PPP1R17: variants seen among roughly 807,000 people sequenced by gnomAD.
PPP1R17 encodes the protein protein phosphatase 1 regulatory subunit 17.
A neutral mutation model predicts 15.9 loss-of-function variants in PPP1R17; 12 were observed. The observed-to-expected ratio is 0.75, with a 90% CI of 0.48 to 1.22. The LOEUF is 1.22. Among genes scored for constraint, PPP1R17 ranks in the 50% most tolerant of loss-of-function variants. The pLI, the probability that PPP1R17 is intolerant of heterozygous loss-of-function variation, is 0.00. For synonymous variants in PPP1R17, 63 were observed against 64.5 expected (o/e 0.98, Z 0.11); for missense variants, 211 against 187.3 (o/e 1.13, Z -0.74).
At chr7:31,700,158 CT>C (rs1448360914) in intron 4 of PPP1R17, among the ~76,000 whole-genome samples, 1 of 152,166 alleles carries the variant, frequency 6.6e-6, no homozygotes, top group Non-Finnish European at 1.5e-5. Flanking sequence ...AAAATTAGGT[CT>C]CTTGTACCAA....
chr7:31,700,581 T>C (rs1046309884), intron 4 of PPP1R17, among the ~76,000 whole-genome samples: 1 of 152,170 alleles, frequency 6.6e-6, no homozygotes, highest in Non-Finnish European at 1.5e-5. Flanking sequence ...CACTAAACAA[T>C]AGTTTCTTAA....
At chr7:31,702,394 C>T (rs1792889482) in intron 4 of PPP1R17, among the ~76,000 whole-genome samples, 1 of 152,144 alleles carries the variant, frequency 6.6e-6, no homozygotes, top group South Asian at 2.1e-4. Flanking sequence ...CTTCCCTCAT[C>T]TGTGTTTCTC....
chr7:31,700,594 T>C (rs1372160812), intron 4 of PPP1R17, among the ~76,000 whole-genome samples: 2 of 152,198 alleles, frequency 1.3e-5, no homozygotes, highest in Non-Finnish European at 2.9e-5. Context: ...TTTCTTAATG[T>C]AGATGAAACA....
intron 4 of PPP1R17, among the ~76,000 whole-genome samples, chr7:31,698,587 A>G (rs756698479): frequency 2.6e-5 from 4 of 152,242 alleles, no homozygotes; most frequent in Admixed American, 6.5e-5. Context: ...GACATGCAGA[A>G]GTCTAATCTT....
chr7:31,696,996 C>T lies in PPP1R17; in HGVS notation c.267C>T (p.Tyr89=), dbSNP rs141215798. 2.5e-5 allele frequency: 41 copies of T among 1,613,798 alleles called. No individual in the cohort carries two copies. In the East Asian group the frequency reaches 2.9e-4, roughly 11 times the overall value. Residue 89 remains tyrosine, a synonymous_variant, in exon 4 of 5, where the codon TAC becomes TAT. Transcript: ENST00000342032. Reference sequence around the variant, plus strand: ...TTTCAGAACATTTAATTAAAAGATACGATGTTCAAGAGAGACATCCAAAGG... The same window carrying T: ...TTTCAGAACATTTAATTAAAAGATATGATGTTCAAGAGAGACATCCAAAGG... ...GVFSEHLIKR[Y]DVQERHPKGK...
In PPP1R17 at chr7:31,707,510, T is replaced by C. The variant is rs1793123750; in HGVS notation, c.*227T>C. On this transcript the variant is annotated 3_prime_UTR_variant, in exon 5 of 5. Transcript: ENST00000342032. Reference sequence around the variant, plus strand: ...TGTGTTTTGAATTTTTATTTTCTAATGCAGTGGAAAAGAAACAGATCATCC... The same window carrying C: ...TGTGTTTTGAATTTTTATTTTCTAACGCAGTGGAAAAGAAACAGATCATCC... 6.0e-6 allele frequency: 3 copies of C among 500,230 alleles called. No individual in the cohort carries two copies. In the East Asian group the frequency reaches 1.0e-4, roughly 17 times the overall value. 31.0% of individuals were successfully genotyped at this position (500,230 alleles called of 1,614,324 possible).
chr7:31,705,380 G>A (rs1793024136), intron 4 of PPP1R17, among the ~76,000 whole-genome samples: 1 of 152,170 alleles, frequency 6.6e-6, no homozygotes, highest in Non-Finnish European at 1.5e-5. Context: ...TTGGGGCTCA[G>A]CATAGCTAAC....
intron 2 of PPP1R17, among the ~76,000 whole-genome samples, chr7:31,693,756 T>C (rs1446144437): frequency 1.3e-5 from 2 of 152,142 alleles, no homozygotes; most frequent in Non-Finnish European, 2.9e-5. Context: ...TTTAAGGAAA[T>C]TTACCTGAAT....
intron 1 of PPP1R17, among the ~76,000 whole-genome samples, chr7:31,688,969 A>G (rs1231764596): frequency 1.3e-5 from 2 of 152,240 alleles, no homozygotes; most frequent in Admixed American, 1.3e-4. Flanking sequence ...GCCTGACCTG[A>G]AAGAATGTGA....
chr7:31,694,602 A>G (rs752657187), intron 2 of PPP1R17, among the ~76,000 whole-genome samples: 2 of 152,138 alleles, frequency 1.3e-5, no homozygotes, highest in African/African-American at 2.4e-5. Context: ...AAAATTACAA[A>G]AAGACTATAA....
At chr7:31,706,786 C>T (rs1344761573) in intron 4 of PPP1R17, among the ~76,000 whole-genome samples, 3 of 152,116 alleles carry the variant, frequency 2.0e-5, no homozygotes, top group Admixed American at 1.3e-4. Flanking sequence ...TCACAATAAC[C>T]CTTTATAATA....
chr7:31,692,753 G>C (rs1792411918), intron 2 of PPP1R17, among the ~76,000 whole-genome samples: 2 of 152,184 alleles, frequency 1.3e-5, no homozygotes, highest in Non-Finnish European at 2.9e-5. Context: ...CAGAGAGAGA[G>C]AAAGAGAGAG....
chr7:31,692,073 T>G (rs1269281872), intron 1 of PPP1R17, among the ~76,000 whole-genome samples: 1 of 152,240 alleles, frequency 6.6e-6, no homozygotes, highest in African/African-American at 2.4e-5. Flanking sequence ...CATGATTTTC[T>G]GTGACTCTCA....
chr7:31,698,781 T>C (rs1025774935), intron 4 of PPP1R17, among the ~76,000 whole-genome samples: 1 of 152,104 alleles, frequency 6.6e-6, no homozygotes, highest in Non-Finnish European at 1.5e-5. Flanking sequence ...GAGATAGAAA[T>C]TGCTTCTTTA....
intron 1 of PPP1R17, among the ~76,000 whole-genome samples, chr7:31,690,776 C>T (rs1390383304): frequency 2.6e-5 from 4 of 152,124 alleles, no homozygotes; most frequent in African/African-American, 4.8e-5. Context: ...ATAGTAAGTG[C>T]GTGGCTTCAA....
At chr7:31,698,353 C>G (rs545660205) in intron 4 of PPP1R17, among the ~76,000 whole-genome samples, 1 of 152,294 alleles carries the variant, frequency 6.6e-6, no homozygotes, top group Middle Eastern at 3.4e-3. Context: ...TCCACCTCTT[C>G]TTCTCTTCCC....
intron 4 of PPP1R17, among the ~76,000 whole-genome samples, chr7:31,701,260 C>T (rs1434319794): frequency 6.6e-6 from 1 of 152,094 alleles, no homozygotes; most frequent in Admixed American, 6.6e-5. Context: ...AAGTTGATTC[C>T]AACCTTTATG....
At chr7:31,688,519 A>G (rs1014199722) in intron 1 of PPP1R17, among the ~76,000 whole-genome samples, 4 of 152,232 alleles carry the variant, frequency 2.6e-5, no homozygotes, top group East Asian at 1.9e-4. Flanking sequence ...CCTTTCTGCA[A>G]TATAGTGGGG....
intron 1 of PPP1R17, among the ~76,000 whole-genome samples, chr7:31,690,504 C>CA (rs1554306590): frequency 6.6e-6 from 1 of 152,112 alleles, no homozygotes; most frequent in Non-Finnish European, 1.5e-5. Flanking sequence ...GGAGAGGGGG[C>CA]AAAAATGATT....
Sources: allele counts gnomAD v4.1 joint callset (sites outside exome capture counted in the v4.1 genomes callset), GRCh38; gene constraint gnomAD v4.1.1; transcripts MANE v1.5; gene names NCBI Gene and HGNC (gene_info 2026-07-23, HGNC 2026-07-21).